SPG7: variants seen among roughly 807,000 people sequenced by gnomAD.
The protein encoded by SPG7 is mitochondrial inner membrane m-AAA protease component paraplegin.
A neutral mutation model predicts 81.9 loss-of-function variants in SPG7; 103 were observed. The ratio of observed to expected loss-of-function variants is 1.26; its 90% CI spans 1.07 to 1.48. SPG7 has a LOEUF of 1.48. Ranked by LOEUF, SPG7 falls within the 40% of genes most tolerant of loss-of-function variation. SPG7 has a pLI of 0.00. For synonymous variants in SPG7, 534 were observed against 444.2 expected, an observed-to-expected ratio of 1.20 and a Z score of -2.54; for missense variants, 1,241 against 1,087.3, an observed-to-expected ratio of 1.14 and a Z score of -1.99.
chr16:89,557,283 G>A lies in SPG7; in HGVS notation c.*190G>A, dbSNP rs895015487. On this transcript the variant is annotated 3_prime_UTR_variant, in exon 17 of 17. Transcript: ENST00000645818. ...AAGTTTCTCTGCAGAAACTACTGAC[G>A]GAGTCCTGTGTTTGTGAGTCGTTTC... 8.4e-6 allele frequency: 5 copies of A among 598,600 alleles called. No individual in the cohort carries two copies. Among genetic ancestry groups the A allele is most frequent in the Non-Finnish European group, 1.5e-5 (5 of 335,924 alleles). 37.1% of individuals were successfully genotyped at this position (598,600 alleles called of 1,614,324 possible). A position where few individuals can be genotyped will look rare whatever the true frequency, so the allele number is the denominator to read the frequency against.
At chr16:89,537,494 CCA>C in intron 9 of SPG7, 1 of 1,001,146 alleles carries the variant, frequency 1.0e-6, no homozygotes. Flanking sequence ...TGACGTGCAG[CCA>C]CACACAGAAA....
At chr16:89,547,425 C>A (rs772183422) in intron 11 of SPG7, 8 of 181,334 alleles carry the variant, frequency 4.4e-5, no homozygotes, top group Admixed American at 1.1e-4. Context: ...TGTGTCTCGT[C>A]TGTGGAATGG....
chr16:89,508,999 T>G, intron 1 of SPG7: 1 of 471,968 alleles, frequency 2.1e-6, no homozygotes. Flanking sequence ...AGGGTGGTTA[T>G]TGCCGAGTAG....
At chr16:89,544,924 T>A (rs987349809) in intron 10 of SPG7, 152 bp downstream of exon 10, 2 of 909,688 alleles carry the variant, frequency 2.2e-6, no homozygotes, top group Non-Finnish European at 3.4e-6. Context: ...CCGCATCGGC[T>A]GCACGCCCCC....
At chr16:89,512,641 A>G (rs933833636) in intron 2 of SPG7, among the ~76,000 whole-genome samples, 2 of 152,222 alleles carry the variant, frequency 1.3e-5, no homozygotes, top group African/African-American at 4.8e-5. Flanking sequence ...AACTTCATAT[A>G]TTAAAGGGAT....
chr16:89,553,249 A>T, intron 14 of SPG7, 114 bp downstream of exon 14: 1 of 1,089,632 alleles, frequency 9.2e-7, no homozygotes, highest in African/African-American at 1.6e-5. Context: ...CTTTGAATTT[A>T]TTAAGTATTT....
intron 2 of SPG7, 40 bp from the exon 3 acceptor site, chr16:89,512,896 TCCCCTGTGGTTG>T: frequency 6.2e-7 from 1 of 1,604,498 alleles, no homozygotes; most frequent in East Asian, 2.2e-5. Flanking sequence ...CCTGTATGCC[TCCCCTGTGGTTG>T]CAAAACTTAA....
At chr16:89,534,377 G>T (rs1248584456) in intron 9 of SPG7, among the ~76,000 whole-genome samples, 1 of 152,220 alleles carries the variant, frequency 6.6e-6, no homozygotes, top group Non-Finnish European at 1.5e-5. Flanking sequence ...TGTGTGTAGG[G>T]GCTGCGTCTT....
chr16:89,530,632 G>A, intron 6 of SPG7, 51 bp from the exon 7 acceptor site: 3 of 1,613,468 alleles, frequency 1.9e-6, no homozygotes, highest in Non-Finnish European at 2.5e-6. Context: ...GCATCGTGCT[G>A]CTGATTTCCT....
At chr16:89,543,000 T>G (rs909717648) in intron 9 of SPG7, 4 of 136,380 alleles carry the variant, frequency 2.9e-5, no homozygotes, top group Non-Finnish European at 4.6e-5. Flanking sequence ...CAGGCTGGAG[T>G]GCAGTGGCGT....
At position 89,514,307 on chromosome 16, in the gene SPG7, A is replaced by G. The variant is rs1485163356; in HGVS notation, c.376+1270A>G. On this transcript the variant is annotated intron_variant, in intron 3 of 16. Coordinates refer to ENST00000645818, the MANE Select transcript of SPG7 (RefSeq NM_003119.4). ...ACATTTCAATAAAGTGTGTCCTTTG[A>G]CTTTTTTTTTTTTTTTTTTTTTTTT... is the stretch of plus-strand genomic sequence containing the variant. 1.2e-4 allele frequency: 7 copies of G among 60,278 alleles called. No individual in the cohort carries two copies. The East Asian group carries it at 3.3e-3, about 29-fold the overall frequency. The allele number at this position is 60,278 out of a possible 1,614,324, so 3.7% of individuals were successfully genotyped here.
At chr16:89,525,864 G>A (rs1362781751) in intron 4 of SPG7, among the ~76,000 whole-genome samples, 1 of 152,198 alleles carries the variant, frequency 6.6e-6, no homozygotes, top group African/African-American at 2.4e-5. Context: ...GGCTCCTGCT[G>A]TGTCTGCAGG....
At chr16:89,550,432 C>T in intron 12 of SPG7, 62 bp from the exon 13 acceptor site, 3 of 1,222,650 alleles carry the variant, frequency 2.5e-6, no homozygotes, top group South Asian at 1.2e-5. Context: ...CTTGGCCTCC[C>T]ACAGCGCTGG....
chr16:89,536,460 GGGTGAGGCGGGTGAGGCGGGTGAGGTCA>G (rs1325911100), intron 9 of SPG7, among the ~76,000 whole-genome samples: 4 of 106,916 alleles, frequency 3.7e-5, no homozygotes, highest in Non-Finnish European at 2.4e-5. Flanking sequence ...TCGGTGAGGC[GGGTGAGGCGGGTGAGGCGGGTGAGGTCA>G]GGTGAGGCAG....
rs1405918952 is a variant in SPG7, at chr16:89,548,032, G to A, written c.1582G>A (p.Ala528Thr). 2.5e-6 allele frequency: 4 copies of A among 1,612,516 alleles called. No individual in the cohort carries two copies. Among genetic ancestry groups the A allele is most frequent in the African/African-American group, 1.3e-5 (1 of 74,950 alleles). Residue 528 changes from alanine to threonine, a missense_variant, in exon 12 of 17, where the codon GCT becomes ACT. Ala to Thr is a moderately conservative substitution (Grantham distance 58). Transcript: ENST00000645818. ...GADIANICNE[A>T]ALHAAREGHT... is the part of the protein sequence containing the mutation. ...TGACATCGCCAACATCTGCAATGAG[G>A]CTGCGCTGCACGCGGCGCGGGAGGG...
At position 89,510,720 on chromosome 16, in the gene SPG7, A is replaced by G; in HGVS notation, c.286+128A>G. On this transcript the variant is annotated intron_variant, in intron 2 of 16. Transcript: ENST00000645818. Reference sequence around the variant, plus strand: ...TGTTGCACGGGCTGGAGTGCAGTACAATGGTGTGATCAGAGCTCACTACAG... The same window carrying G: ...TGTTGCACGGGCTGGAGTGCAGTACGATGGTGTGATCAGAGCTCACTACAG... 5.7e-6 allele frequency: 4 copies of G among 704,184 alleles called. No homozygotes were observed. In the South Asian group the frequency reaches 6.0e-5, roughly 11 times the overall value. 43.6% of individuals were successfully genotyped at this position (704,184 alleles called of 1,614,324 possible).
At position 89,545,678 on chromosome 16, in the gene SPG7, A is replaced by AGCTTCTCCAGGGGAGGGCG. The variant is rs2058555385; in HGVS notation, c.1449+910_1449+928dup. Reference sequence around the variant, plus strand: ...GGACACGGCTTCTCCAGGGGAGGGCAGCTTCTCCAGGGGAGGGCGGCTCCT... The same window carrying AGCTTCTCCAGGGGAGGGCG: ...GGACACGGCTTCTCCAGGGGAGGGCAGCTTCTCCAGGGGAGGGCGGCTTCTCCAGGGGAGGGCGGCTCCT... On this transcript the variant is annotated intron_variant, in intron 10 of 16. Coordinates refer to ENST00000645818, the MANE Select transcript of SPG7 (RefSeq NM_003119.4). 1.9e-5 allele frequency: 5 copies of AGCTTCTCCAGGGGAGGGCG among 266,432 alleles called. No homozygotes were observed. In the Admixed American group the frequency reaches 2.8e-4, roughly 15 times the overall value. The allele number at this position is 266,432 out of a possible 1,614,324, so 16.5% of individuals were successfully genotyped here.
At chr16:89,537,371 T>A in intron 9 of SPG7, 9 of 1,130,776 alleles carry the variant, frequency 8.0e-6, no homozygotes, top group Non-Finnish European at 9.8e-6. Flanking sequence ...TGGAAAGCGT[T>A]GATGGGGAGC....
rs760818649 is a variant in SPG7 at position 89,531,962 on chromosome 16, GC to G, written c.1053del (p.Gly352AlafsTer87). Reference protein sequence around the residue: ...AKVPKGALLLGPPGCGKTLLA... With the variant: ...AKVPKGALLLXPPGCGKTLLA... Reference sequence around the variant, plus strand: ...GTCCCAAAGGGCGCACTGCTGCTCGGCCCCCCCGGCTGTGGGAAGACGCTGC... The same window carrying G: ...GTCCCAAAGGGCGCACTGCTGCTCGGCCCCCCGGCTGTGGGAAGACGCTGC... On this transcript the variant is annotated frameshift_variant, in exon 8 of 17. Transcript: ENST00000645818. LOFTEE classifies it high-confidence loss of function. 6.8e-6 allele frequency: 11 copies of G among 1,613,582 alleles called. No homozygotes were observed. Among genetic ancestry groups the G allele is most frequent in the Admixed American group, 3.3e-5 (2 of 59,998 alleles).
Sources: gnomAD v4.1 joint callset for allele counts (sites outside exome capture counted in the v4.1 genomes callset) on GRCh38, gnomAD v4.1.1 for gene constraint, MANE v1.5 for transcripts, NCBI Gene and HGNC (gene_info 2026-07-23, HGNC 2026-07-21) for gene names.